Variants in PHLPP1 observed in about 807,000 individuals in gnomAD.
The protein encoded by PHLPP1 is PH domain and leucine rich repeat protein phosphatase 1.
PHLPP1 carries 42 observed loss-of-function variants against 117.2 expected under a neutral mutation model. The observed-to-expected ratio is 0.36, with a 90% confidence interval of 0.28 to 0.46. PHLPP1 has a LOEUF of 0.46. Among genes scored for constraint, PHLPP1 ranks in the 20% least tolerant of loss-of-function variants. PHLPP1 has a pLI of 1.00. For synonymous variants in PHLPP1, 1,042 were observed against 970.7 expected (o/e 1.07, Z -1.37); for missense variants, 2,084 against 2,241.9 (o/e 0.93, Z 1.42).
chr18:62,956,039 CA>C (rs1280194483), intron 12 of PHLPP1, among the ~76,000 whole-genome samples: 1 of 151,048 alleles, frequency 6.6e-6, no homozygotes, highest in Non-Finnish European at 1.5e-5. Context: ...TTGAAAAAAA[CA>C]AAACAAAGCA....
chr18:62,812,452 G>A (rs1159149867), intron 1 of PHLPP1, among the ~76,000 whole-genome samples: 1 of 152,128 alleles, frequency 6.6e-6, no homozygotes, highest in Non-Finnish European at 1.5e-5. Flanking sequence ...ATCTAAAGGA[G>A]GTAGCTACGT....
intron 10 of PHLPP1, among the ~76,000 whole-genome samples, chr18:62,930,480 T>G (rs1202487950): frequency 6.6e-6 from 1 of 152,090 alleles, no homozygotes; most frequent in African/African-American, 2.4e-5. Context: ...AAAATTGCAT[T>G]ATATAATAAA....
In PHLPP1 at chr18:62,741,194, G is replaced by A. The variant is rs998233706; in HGVS notation, c.1576+23935G>A. On this transcript the variant is annotated intron_variant, in intron 1 of 16. Transcript: ENST00000262719. Reference sequence around the variant, plus strand: ...TAAGAGTGGAAAAAAATAATAGACCGTTCTTGATTTTATAGGCCCTGGTGG... The same window carrying A: ...TAAGAGTGGAAAAAAATAATAGACCATTCTTGATTTTATAGGCCCTGGTGG... Among the ~76,000 whole-genome samples, 7 of 152,224 alleles carry A rather than the reference G, an allele frequency of 4.6e-5. No individual in the cohort carries two copies. In the South Asian group the frequency reaches 1.5e-3, roughly 32 times the overall value.
At chr18:62,936,189 G>A (rs1267101911) in intron 10 of PHLPP1, among the ~76,000 whole-genome samples, 1 of 152,176 alleles carries the variant, frequency 6.6e-6, no homozygotes, top group African/African-American at 2.4e-5. Flanking sequence ...GAGTCAACTT[G>A]AAGGAGCTCC....
chr18:62,776,134 C>T (rs1002468221), intron 1 of PHLPP1, among the ~76,000 whole-genome samples: 31 of 152,042 alleles, frequency 2.0e-4, no homozygotes, highest in African/African-American at 7.2e-4. Flanking sequence ...GTAAGTCCAA[C>T]AGTTTTAGGG....
rs1381427405 is a variant in PHLPP1, at chr18:62,978,860, A to G, written c.4583A>G (p.Gln1528Arg). 6.2e-7 allele frequency: 1 copy of G among 1,607,126 alleles called. No individual in the cohort carries two copies. Among genetic ancestry groups the G allele is most frequent in the African/African-American group, 1.3e-5 (1 of 74,798 alleles). Residue 1528 changes from glutamine (Q) to arginine (R), a missense_variant, in exon 17 of 17, where the codon CAG (glutamine) becomes CGG (arginine). This residue lies in a region of PHLPP1 where 1,365 missense variants were observed against 1,605.9 expected (regional missense o/e 0.85). Coordinates refer to ENST00000262719, the MANE Select transcript of PHLPP1 (RefSeq NM_194449.4). The surrounding 1 kb of genome is among the most constrained non-coding windows in gnomAD (Gnocchi z 7.0). ...LHPICLSNSF[Q>R]RQLSSATFSS... ...CCCATCTGTCTGTCCAACTCCTTCC[A>G]GCGCCAGCTATCCAGCGCCACGTTC... is the stretch of plus-strand genomic sequence containing the variant.
intron 14 of PHLPP1, among the ~76,000 whole-genome samples, chr18:62,964,155 C>T (rs566623): frequency 0.55 from 84,207 of 151,842 alleles, 24,219 homozygotes; most frequent in African/African-American, 0.7. Context: ...ATTAGAACGG[C>T]CATAATTTAA....
At chr18:62,719,676 A>G (rs113448211) in intron 1 of PHLPP1, among the ~76,000 whole-genome samples, 47 of 152,306 alleles carry the variant, frequency 3.1e-4, no homozygotes, top group African/African-American at 8.2e-4. Flanking sequence ...GTAATTTTAT[A>G]CATAACTTAT....
chr18:62,828,269 A>G (rs1425762112), intron 1 of PHLPP1, among the ~76,000 whole-genome samples: 1 of 152,180 alleles, frequency 6.6e-6, no homozygotes, highest in East Asian at 1.9e-4. Flanking sequence ...GATATAAATG[A>G]ACTTGTGCAG....
rs542273589 is a variant in PHLPP1 at position 62,746,810 on chromosome 18, TA to T, written c.1576+29559del. Among the ~76,000 whole-genome samples, 380 of 151,932 alleles carry T rather than the reference TA, an allele frequency of 2.5e-3. 11 individuals carry two copies. Among genetic ancestry groups the T allele is most frequent in the Admixed American group, 0.023 (348 of 15,274 alleles). ...TCTATTATAAATGGTGTATTAAAAC[TA>T]AAAAAAAGTTTGCTGGTGCATAGCA... On this transcript the variant is annotated intron_variant, in intron 1 of 16. Coordinates refer to ENST00000262719, the MANE Select transcript of PHLPP1 (RefSeq NM_194449.4).
chr18:62,837,708 T>C (rs1177539501), intron 2 of PHLPP1: 1 of 151,364 alleles, frequency 6.6e-6, no homozygotes, highest in East Asian at 1.9e-4. Flanking sequence ...AGAGTCTTGC[T>C]CTGTCACCCA....
Position 62,716,259 on chromosome 18 carries a change from G to C in PHLPP1, c.576G>C (p.Arg192=). Reference sequence around the variant, plus strand: ...CGCTGCAGCTGCAGCCGTCGGACCGGGACTGGGTGAGGCACCAGCTCCAGC... The same window carrying C: ...CGCTGCAGCTGCAGCCGTCGGACCGCGACTGGGTGAGGCACCAGCTCCAGC... ...RQTLQLQPSD[R]DWVRHQLQRG... is the part of the protein sequence containing the mutation. The change falls in exon 1 of 17, where the codon CGG becomes CGC. Residue 192 remains arginine (R), a synonymous_variant. Transcript: ENST00000262719. The surrounding 1 kb of genome is among the most constrained non-coding windows in gnomAD (Gnocchi z 5.7). 2 of 1,531,018 alleles carry C rather than the reference G, an allele frequency of 1.3e-6. No homozygotes were observed. The highest frequency in any genetic ancestry group is 1.7e-6 in the Non-Finnish European group (2 of 1,145,134). The allele number at this position is 1,531,018 out of a possible 1,614,324, so 94.8% of individuals were successfully genotyped here.
intron 7 of PHLPP1, among the ~76,000 whole-genome samples, chr18:62,904,676 C>T (rs1429509734): frequency 6.6e-6 from 1 of 152,178 alleles, no homozygotes; most frequent in African/African-American, 2.4e-5. Context: ...AGGAGCTGCA[C>T]CTGTGAATTA....
rs923039545 is a variant in PHLPP1 at position 62,882,424 on chromosome 18, G to A, written c.2067-12587G>A. ...GCTGGGACTACAGGCGCCCGCCACC[G>A]CGCCTGGATAATTTTTTTTTGTATT... On this transcript the variant is annotated intron_variant, in intron 4 of 16. Coordinates refer to ENST00000262719, the MANE Select transcript of PHLPP1 (RefSeq NM_194449.4). Among the ~76,000 whole-genome samples the A allele has an allele frequency of 4.6e-5, 7 of 152,020 alleles. No homozygotes were observed. In the East Asian group the frequency reaches 1.2e-3, roughly 25 times the overall value.
rs1477946627 is a variant in PHLPP1 at position 62,962,537 on chromosome 18, G to A, written c.3456-831G>A. Among the ~76,000 whole-genome samples the A allele has an allele frequency of 2.0e-5, 3 of 152,248 alleles. No homozygotes were observed. The East Asian group carries it at 5.8e-4, about 29-fold the overall frequency. ...TTGGTCAGGCTGATCTCGAACTCCCGACCTCAGGTGATCCGCCCGCCTTGG... is the reference window on the plus strand; with the variant it reads ...TTGGTCAGGCTGATCTCGAACTCCCAACCTCAGGTGATCCGCCCGCCTTGG... On this transcript the variant is annotated intron_variant, in intron 13 of 16. Coordinates refer to ENST00000262719, the MANE Select transcript of PHLPP1 (RefSeq NM_194449.4).
At chr18:62,814,818 A>T (rs1001345192) in intron 1 of PHLPP1, among the ~76,000 whole-genome samples, 1 of 152,194 alleles carries the variant, frequency 6.6e-6, no homozygotes, top group African/African-American at 2.4e-5. Flanking sequence ...AAAGTCCTAT[A>T]AATTTTGTAG....
intron 3 of PHLPP1, among the ~76,000 whole-genome samples, chr18:62,854,949 G>A (rs1181339115): frequency 2.6e-5 from 4 of 151,920 alleles, no homozygotes; most frequent in African/African-American, 4.8e-5. Context: ...CACCCACCTC[G>A]GCCTCCCATA....
chr18:62,852,773 T>G (rs967446046), intron 3 of PHLPP1, among the ~76,000 whole-genome samples: 1 of 152,214 alleles, frequency 6.6e-6, no homozygotes, highest in African/African-American at 2.4e-5. Flanking sequence ...AAATACAACT[T>G]TACTAAAGTA....
At chr18:62,723,270 A>G (rs1054103846) in intron 1 of PHLPP1, among the ~76,000 whole-genome samples, 1 of 152,238 alleles carries the variant, frequency 6.6e-6, no homozygotes, top group South Asian at 2.1e-4. Context: ...CAAGCAAAAA[A>G]CATCCAGAAT....
Sources: gnomAD v4.1 joint callset for allele counts (sites outside exome capture counted in the v4.1 genomes callset) on GRCh38, gnomAD v4.1.1 for gene constraint, gnomAD v4.1.1 regional missense constraint, Gnocchi (gnomAD v3.1) non-coding constraint, MANE v1.5 for transcripts, NCBI Gene and HGNC (gene_info 2026-07-23, HGNC 2026-07-21) for gene names.